Variants in MROH7 observed in about 807,000 individuals in gnomAD.
The protein encoded by MROH7 is maestro heat like repeat family member 7, also known as maestro heat-like repeat-containing protein family member 7.
In MROH7, 113 loss-of-function variants were observed where a neutral mutation model predicts 129.2. The observed-to-expected ratio is 0.87, with a 90% confidence interval of 0.75 to 1.02. MROH7 has a LOEUF of 1.02. Among genes scored for constraint, MROH7 ranks in the 50% least tolerant of loss-of-function variants. The pLI, the probability that MROH7 is intolerant of heterozygous loss-of-function variation, is 0.00. For synonymous variants in MROH7, 655 were observed against 667.9 expected (o/e 0.98, Z 0.30); for missense variants, 1,601 against 1,671.3 (o/e 0.96, Z 0.73).
At chr1:54,649,613 G>C (rs954759934) in intron 1 of MROH7, among the ~76,000 whole-genome samples, 1 of 152,272 alleles carries the variant, frequency 6.6e-6, no homozygotes, top group African/African-American at 2.4e-5. Context: ...TGCTGGGGTA[G>C]AGATGAAGTC....
chr1:54,664,637 G>A (rs563770158), intron 3 of MROH7, among the ~76,000 whole-genome samples: 13 of 152,394 alleles, frequency 8.5e-5, no homozygotes, highest in Admixed American at 8.5e-4. Flanking sequence ...GTCTTGGCAA[G>A]GATGCTGGCT....
chr1:54,642,076 G>A (rs1481815043), intron 1 of MROH7, 108 bp downstream of exon 1: 1 of 152,336 alleles, frequency 6.6e-6, no homozygotes, highest in Admixed American at 6.5e-5. Context: ...GGGGAAGGGA[G>A]TGAAAAGATG....
intron 15 of MROH7, among the ~76,000 whole-genome samples, chr1:54,689,183 T>C (rs1645195622): frequency 6.6e-6 from 1 of 152,038 alleles, no homozygotes; most frequent in Non-Finnish European, 1.5e-5. Context: ...GGGCACTGAA[T>C]CCAGTGCCAA....
At position 54,652,907 on chromosome 1, in the gene MROH7, G is replaced by T; in HGVS notation, c.-20G>T. 6.5e-7 allele frequency: 1 copy of T among 1,542,192 alleles called. No individual in the cohort carries two copies. Among genetic ancestry groups the T allele is most frequent in the South Asian group, 1.3e-5 (1 of 78,368 alleles). On this transcript the variant is annotated 5_prime_UTR_variant, in exon 3 of 24. The change abolishes the stop of an existing upstream ORF in the 5' untranslated region. Coordinates refer to ENST00000421030, the MANE Select transcript of MROH7 (RefSeq NM_001039464.4). ...TTGGAGAGAAGCGGGCACTGGCATT[G>T]AGAGACCTCCAGACTGGACATGGCC... is the stretch of plus-strand genomic sequence containing the variant.
intron 3 of MROH7, among the ~76,000 whole-genome samples, chr1:54,656,955 G>A (rs980060352): frequency 1.3e-5 from 2 of 151,900 alleles, no homozygotes; most frequent in African/African-American, 4.8e-5. Context: ...GAGAAGCCAA[G>A]GCAGGAGGAT....
At position 54,673,800 on chromosome 1, in the gene MROH7, T is replaced by G. The variant is rs781351755; in HGVS notation, c.1795T>G (p.Phe599Val). The stretch of plus-strand genomic sequence containing the variant: ...GAACCACATGCTTCTAACTCTGCCT[T>G]TCTTTGTGAGTGGCCCCTGGGAGGG... ...VLNHMLLTLP[F>V]FMPLGFPALG... The change falls in exon 9 of 24, where the codon TTC becomes GTC. Residue 599 changes from phenylalanine to valine, a missense_variant. Phe to Val is a conservative substitution (Grantham distance 50). Transcript: ENST00000421030. 1.2e-6 allele frequency: 2 copies of G among 1,613,236 alleles called. No homozygotes were observed. The highest frequency in any genetic ancestry group is 1.7e-6 in the Non-Finnish European group (2 of 1,179,152).
At chr1:54,670,625 C>T (rs1451546891) in intron 6 of MROH7, 49 bp downstream of exon 6, 21 of 1,553,820 alleles carry the variant, frequency 1.4e-5, no homozygotes, top group Admixed American at 3.7e-5. Flanking sequence ...CTCTCTTCCT[C>T]CACTTCTGCC....
At chr1:54,674,354 A>G (rs917654845) in intron 10 of MROH7, among the ~76,000 whole-genome samples, 1 of 152,180 alleles carries the variant, frequency 6.6e-6, no homozygotes, top group Non-Finnish European at 1.5e-5. Flanking sequence ...AAACAAAACT[A>G]TTTTGATTTA....
chr1:54,701,230 C>T lies in MROH7; in HGVS notation c.3193C>T (p.Leu1065Phe). 2 of 1,614,192 alleles carry T rather than the reference C, an allele frequency of 1.2e-6. No homozygotes were observed. Among genetic ancestry groups the T allele is most frequent in the East Asian group, 2.2e-5 (1 of 44,890 alleles). ...GMLVVEAVHN[L>F]KAVFKGRDQK... ...GCTGGTGGTGGAAGCGGTCCACAAC[C>T]TCAAGGCTGTCTTCAAGGGGCGGGA... is the stretch of plus-strand genomic sequence containing the variant. Residue 1065 changes from leucine to phenylalanine, a missense_variant, in exon 19 of 24, where the codon CTC (leucine) becomes TTC (phenylalanine). Transcript: ENST00000421030.
At chr1:54,672,328 AG>A (rs1372821118) in intron 7 of MROH7, among the ~76,000 whole-genome samples, 4 of 152,088 alleles carry the variant, frequency 2.6e-5, no homozygotes, top group African/African-American at 9.7e-5. Context: ...GGGTGTGTGC[AG>A]ACTCAGGGAG....
intron 14 of MROH7, among the ~76,000 whole-genome samples, chr1:54,684,368 C>A (rs1645114931): frequency 6.6e-6 from 1 of 151,996 alleles, no homozygotes; most frequent in African/African-American, 2.4e-5. Context: ...ATATATCTCT[C>A]TGCCTTTGTC....
At chr1:54,707,600 C>T (rs1362116453) in intron 22 of MROH7, among the ~76,000 whole-genome samples, 1 of 152,178 alleles carries the variant, frequency 6.6e-6, no homozygotes, top group Non-Finnish European at 1.5e-5. Flanking sequence ...TCAGAGACAT[C>T]TACTTCCTAC....
intron 1 of MROH7, among the ~76,000 whole-genome samples, chr1:54,644,279 C>G (rs973754931): frequency 5.3e-5 from 8 of 151,008 alleles, no homozygotes; most frequent in Admixed American, 4.0e-4. Context: ...TTGTTTAGAC[C>G]TTCCTTCCTT....
chr1:54,665,045 G>T (rs1644789378), intron 3 of MROH7, 122 bp from the exon 4 acceptor site: 1 of 669,146 alleles, frequency 1.5e-6, no homozygotes, highest in Non-Finnish European at 2.6e-6. Flanking sequence ...AGAAAGCTCA[G>T]TGTGGCTGCT....
chr1:54,678,887 G>T (rs749841916), intron 11 of MROH7, 33 bp downstream of exon 11: 2 of 1,552,222 alleles, frequency 1.3e-6, no homozygotes, highest in South Asian at 1.1e-5. Context: ...GGAGCGGAGG[G>T]TGGGGGGTGA....
rs116305249 is a variant in MROH7, at chr1:54,704,749, A to C, written c.3565-1686A>C. On this transcript the variant is annotated intron_variant, in intron 21 of 23. Coordinates refer to ENST00000421030, the MANE Select transcript of MROH7 (RefSeq NM_001039464.4). ...GCGTGAACCACTATGCCTGGTCAGA[A>C]ACCCTACATTTTTATAGGACATGAA... Among the ~76,000 whole-genome samples, 792 of 146,524 alleles carry C rather than the reference A, an allele frequency of 5.4e-3. 4 individuals are homozygous for C. Among genetic ancestry groups the C allele is most frequent in the Middle Eastern group, 8.0e-3 (2 of 250 alleles).
chr1:54,710,050 C>A lies in MROH7; in HGVS notation c.3835C>A (p.His1279Asn). ...ASCWQNSWLP[H>N]GNSWVCYSAT... Reference sequence around the variant, plus strand: ...CTGCTGGCAGAACTCCTGGCTGCCGCACGGGAACTCATGGGTGTGTTACTC... The same window carrying A: ...CTGCTGGCAGAACTCCTGGCTGCCGAACGGGAACTCATGGGTGTGTTACTC... The change falls in exon 24 of 24, where the codon CAC becomes AAC. Residue 1279 changes from histidine (H) to asparagine (N), a missense_variant. Coordinates refer to ENST00000421030, the MANE Select transcript of MROH7 (RefSeq NM_001039464.4). The A allele has an allele frequency of 6.2e-7, 1 of 1,614,100 alleles. No individual in the cohort carries two copies. The highest frequency in any genetic ancestry group is 8.5e-7 in the Non-Finnish European group (1 of 1,180,032).
chr1:54,694,469 G>T (rs1345883040), intron 16 of MROH7, among the ~76,000 whole-genome samples: 1 of 152,034 alleles, frequency 6.6e-6, no homozygotes, highest in Non-Finnish European at 1.5e-5. Flanking sequence ...GGTCTGGGAT[G>T]GTGCACTTCT....
intron 1 of MROH7, among the ~76,000 whole-genome samples, chr1:54,650,634 T>G (rs1255248689): frequency 1.3e-5 from 2 of 151,728 alleles, no homozygotes; most frequent in African/African-American, 2.4e-5. Flanking sequence ...GCCTTTCTCC[T>G]CTCCTCCCTT....
Sources: allele counts gnomAD v4.1 joint callset (sites outside exome capture counted in the v4.1 genomes callset), GRCh38; gene constraint gnomAD v4.1.1; transcripts MANE v1.5; gene names NCBI Gene and HGNC (gene_info 2026-07-23, HGNC 2026-07-21).